Variants in EMC3 observed in about 807,000 individuals in gnomAD.
EMC3 encodes ER membrane protein complex subunit 3, also known as 30 kDa protein.
Under a neutral mutation model 36.6 loss-of-function variants are expected in EMC3, and 13 were observed. The observed-to-expected ratio is 0.35, with a 90% CI of 0.23 to 0.56. EMC3 has a LOEUF of 0.56. Ranked by LOEUF, EMC3 falls within the 20% of genes least tolerant of loss-of-function variation. EMC3 has a pLI of 0.84. For synonymous variants in EMC3, 120 were observed against 111.9 expected (o/e 1.07, Z -0.46); for missense variants, 220 against 324.5 (o/e 0.68, Z 2.47).
chr3:9,982,317 T>C (rs183823444), intron 1 of EMC3, among the ~76,000 whole-genome samples: 247 of 152,168 alleles, frequency 1.6e-3, no homozygotes, highest in African/African-American at 5.5e-3. Context: ...TACAGTGGCA[T>C]GATCTCGGCT....
chr3:9,975,673 A>G (rs558773425), intron 3 of EMC3, among the ~76,000 whole-genome samples: 72 of 152,196 alleles, frequency 4.7e-4, no homozygotes, highest in African/African-American at 7.9e-4. Context: ...TTAGCCGGGC[A>G]TGGTGGCAGG....
chr3:9,972,209 C>G (rs1306349520), intron 5 of EMC3, among the ~76,000 whole-genome samples: 3 of 149,880 alleles, frequency 2.0e-5, no homozygotes, highest in Non-Finnish European at 4.4e-5. Context: ...AAACTATTAT[C>G]ATTAGTAGTA....
chr3:10,001,809 A>G (rs1417024304), intron 1 of EMC3, among the ~76,000 whole-genome samples: 1 of 151,998 alleles, frequency 6.6e-6, no homozygotes, highest in Non-Finnish European at 1.5e-5. Flanking sequence ...CATCCTGGCT[A>G]ACACGATGAA....
chr3:9,981,874 A>C (rs2085915324), intron 1 of EMC3: 3 of 323,470 alleles, frequency 9.3e-6, no homozygotes, highest in African/African-American at 2.3e-5. Flanking sequence ...TTTTACACAT[A>C]ATCTATCCCC....
intron 1 of EMC3, chr3:10,006,973 A>C: frequency 3.5e-6 from 1 of 288,864 alleles, no homozygotes; most frequent in South Asian, 2.9e-5. Context: ...TTAAATAAAA[A>C]TGGTTACTGA....
At position 9,994,050 on chromosome 3, in the gene EMC3, C is replaced by G. The variant is rs1044706973; in HGVS notation, c.-241-7148G>C. On this transcript the variant is annotated intron_variant, in intron 1 of 8. Coordinates refer to the EMC3 transcript ENST00000470827. ...TGGTGAAGGATTATTCTGTGTAAAA[C>G]AAAGATTAAGATTTCTTAAGTTAAA... is the stretch of plus-strand genomic sequence containing the variant. The G allele has an allele frequency of 2.5e-6, 3 of 1,186,392 alleles. No individual in the cohort carries two copies. The African/African-American group carries it at 4.5e-5, about 18-fold the overall frequency. 73.5% of individuals were successfully genotyped at this position (1,186,392 alleles called of 1,614,324 possible). A position where few individuals can be genotyped will look rare whatever the true frequency, so the allele number is the denominator to read the frequency against.
In EMC3 at chr3:9,986,495, G is replaced by C; in HGVS notation, c.155+12C>G. ...GCGGTGTGAGGTAGGCTGGAGAAGGGAGGGCGCTGACCTGTCAGATACTTG... is the reference window on the plus strand; with the variant it reads ...GCGGTGTGAGGTAGGCTGGAGAAGGCAGGGCGCTGACCTGTCAGATACTTG... On this transcript the variant is annotated intron_variant, in intron 1 of 7. Coordinates refer to ENST00000245046, the MANE Select transcript of EMC3 (RefSeq NM_001394674.1). The C allele has an allele frequency of 1.9e-6, 3 of 1,613,288 alleles. No homozygotes were observed. Among genetic ancestry groups the C allele is most frequent in the Non-Finnish European group, 2.5e-6 (3 of 1,179,548 alleles).
intron 2 of EMC3, 108 bp downstream of exon 2, chr3:9,977,281 A>T: frequency 9.5e-7 from 1 of 1,050,842 alleles, no homozygotes; most frequent in Non-Finnish European, 1.4e-6. Flanking sequence ...CAGCTTAATT[A>T]CTAAGTTGCC....
Position 9,986,525 on chromosome 3 carries a change from T to G in EMC3, c.137A>C (p.Gln46Pro). The change falls in exon 1 of 8, where the codon CAG (glutamine) becomes CCG (proline). Residue 46 changes from glutamine (Q) to proline (P), a missense_variant. Physicochemically the swap from Gln to Pro is moderately conservative, Grantham distance 76 (BLOSUM62 -1). Coordinates refer to ENST00000245046, the MANE Select transcript of EMC3 (RefSeq NM_001394674.1). ...ILLQSDKKLT[Q>P]EQVSDSQVLI... ...CGCTGACCTGTCAGATACTTGTTCC[T>G]GGGTGAGCTTCTTGTCGCTCTGCAG... 6.2e-7 allele frequency: 1 copy of G among 1,614,202 alleles called. No homozygotes were observed. The highest frequency in any genetic ancestry group is 8.5e-7 in the Non-Finnish European group (1 of 1,180,020).
intron 5 of EMC3, among the ~76,000 whole-genome samples, chr3:9,971,756 T>C: frequency 6.6e-6 from 1 of 152,242 alleles, no homozygotes; most frequent in South Asian, 2.1e-4. Flanking sequence ...GAACTGTGCA[T>C]GGCCCAGCCT....
intron 1 of EMC3, among the ~76,000 whole-genome samples, chr3:9,984,219 C>T (rs2085943458): frequency 6.6e-6 from 1 of 152,062 alleles, no homozygotes; most frequent in East Asian, 1.9e-4. Flanking sequence ...GTAGCTGGGA[C>T]TACAGGCACG....
At chr3:9,989,255 A>C (rs1267069259), upstream of EMC3, among the ~76,000 whole-genome samples, 1 of 152,190 alleles carries the variant, frequency 6.6e-6, no homozygotes, top group African/African-American at 2.4e-5. Context: ...CTTCCATCAA[A>C]AAGCCAGATG....
upstream of EMC3, among the ~76,000 whole-genome samples, chr3:9,989,643 A>T (rs963857137): frequency 6.6e-6 from 1 of 152,218 alleles, no homozygotes; most frequent in Non-Finnish European, 1.5e-5. Context: ...AAAAAAATGA[A>T]TAACTTTTTG....
intron 1 of EMC3, among the ~76,000 whole-genome samples, chr3:10,007,824 A>G (rs2086281163): frequency 6.6e-6 from 1 of 152,062 alleles, no homozygotes; most frequent in Non-Finnish European, 1.5e-5. Context: ...CCGGCATCTG[A>G]GTGTGGCAAC....
At chr3:9,987,936 C>T, upstream of EMC3, 1 of 1,028,366 alleles carries the variant, frequency 9.7e-7, no homozygotes, top group Non-Finnish European at 1.5e-6. Flanking sequence ...GAAGTTGGAT[C>T]CTGCAGCATT....
At chr3:9,970,761 A>T (rs2085777076) in intron 5 of EMC3, 100 bp from the exon 6 acceptor site, 1 of 1,184,256 alleles carries the variant, frequency 8.4e-7, no homozygotes, top group African/African-American at 1.5e-5. Flanking sequence ...GTTTGTAAAG[A>T]AGTCACCTTG....
intron 1 of EMC3, among the ~76,000 whole-genome samples, chr3:10,000,291 C>A (rs1297791176): frequency 1.3e-5 from 2 of 152,076 alleles, no homozygotes; most frequent in African/African-American, 4.8e-5. Flanking sequence ...CCACCCGCCT[C>A]GGCCTCCCAA....
At chr3:10,009,923 C>T (rs2124945280) in intron 1 of EMC3, 1 of 152,392 alleles carries the variant, frequency 6.6e-6, no homozygotes, top group African/African-American at 2.4e-5. Flanking sequence ...GCATTCTGGC[C>T]TGTGCCCTAG....
At chr3:9,969,553 G>A (rs1375506643) in intron 7 of EMC3, 166 bp downstream of exon 7, 2 of 1,508,576 alleles carry the variant, frequency 1.3e-6, no homozygotes, top group East Asian at 2.5e-5. Context: ...TTACTTAATA[G>A]ATGATTCTGT....
Sources: gnomAD v4.1 joint callset for allele counts (sites outside exome capture counted in the v4.1 genomes callset) on GRCh38, gnomAD v4.1.1 for gene constraint, MANE v1.5 for transcripts, NCBI Gene and HGNC (gene_info 2026-07-23, HGNC 2026-07-21) for gene names.